Variants in GREB1L observed in about 807,000 individuals in gnomAD.
GREB1L encodes GREB1-like protein.
Under a neutral mutation model 200.8 loss-of-function variants are expected in GREB1L, and 17 were observed. That is an observed-to-expected ratio of 0.08 (90% CI 0.06 to 0.13). The LOEUF (loss-of-function observed/expected upper bound fraction) is 0.13, where lower values mean the gene tolerates loss of function less well. Ranked by LOEUF, GREB1L falls within the 10% of genes least tolerant of loss-of-function variation. The pLI is 1.00. For synonymous variants in GREB1L, 789 were observed against 893.0 expected (o/e 0.88, Z 2.08); for missense variants, 1,657 against 2,367.7 (o/e 0.70, Z 6.23).
At chr18:21,455,518 C>A (rs1339244965) in intron 15 of GREB1L, among the ~76,000 whole-genome samples, 1 of 151,942 alleles carries the variant, frequency 6.6e-6, no homozygotes, top group Admixed American at 6.6e-5. Flanking sequence ...CCCGTCTCTA[C>A]TAAAAATACA....
chr18:21,518,303 CA>C (rs1267014205), intron 31 of GREB1L, 69 bp downstream of exon 31: 53 of 1,404,912 alleles, frequency 3.8e-5, no homozygotes, highest in Non-Finnish European at 2.5e-5. Flanking sequence ...TAGCTGTTTA[CA>C]AAAAAGGAGC....
intron 18 of GREB1L, 27 bp from the exon 19 acceptor site, chr18:21,489,985 G>A: frequency 6.6e-7 from 1 of 1,524,296 alleles, no homozygotes; most frequent in South Asian, 1.2e-5. Flanking sequence ...TGCTGCCTGA[G>A]TGCTAGTGCC....
intron 4 of GREB1L, among the ~76,000 whole-genome samples, chr18:21,388,504 A>G (rs1365715958): frequency 1.3e-5 from 2 of 148,222 alleles, no homozygotes; most frequent in Non-Finnish European, 3.0e-5. Context: ...ATACGGCATC[A>G]GATTTAATTG....
chr18:21,308,211 T>C (rs897462313), intron 1 of GREB1L, among the ~76,000 whole-genome samples: 1 of 152,212 alleles, frequency 6.6e-6, no homozygotes, highest in Non-Finnish European at 1.5e-5. Flanking sequence ...TTCTGGTCTG[T>C]CATGTGAGAT....
At chr18:21,302,197 G>A (rs1373955897) in intron 1 of GREB1L, among the ~76,000 whole-genome samples, 2 of 152,190 alleles carry the variant, frequency 1.3e-5, no homozygotes, top group Non-Finnish European at 2.9e-5. Flanking sequence ...CTTTTTCTGG[G>A]ATGGAGGGTG....
intron 2 of GREB1L, among the ~76,000 whole-genome samples, chr18:21,381,324 C>G (rs575025368): frequency 1.6e-3 from 246 of 151,958 alleles, no homozygotes; most frequent in African/African-American, 5.7e-3. Context: ...AGGAGAATTG[C>G]TTGAACCCAG....
At chr18:21,296,662 T>G (rs1006404224) in intron 1 of GREB1L, among the ~76,000 whole-genome samples, 4 of 151,660 alleles carry the variant, frequency 2.6e-5, no homozygotes, top group African/African-American at 9.7e-5. Context: ...GTTTTTTGTT[T>G]TTTTTTTTTT....
chr18:21,481,500 A>G (rs568578180), intron 17 of GREB1L, among the ~76,000 whole-genome samples: 6 of 133,156 alleles, frequency 4.5e-5, no homozygotes, highest in African/African-American at 1.7e-4. Context: ...TATATATAGC[A>G]TTATTAGAAT....
At chr18:21,424,420 T>C (rs1452977503) in intron 7 of GREB1L, among the ~76,000 whole-genome samples, 7 of 152,028 alleles carry the variant, frequency 4.6e-5, no homozygotes, top group Admixed American at 2.0e-4. Flanking sequence ...ATACAAAAAT[T>C]AGCTGGGCAT....
chr18:21,363,284 C>T, intron 1 of GREB1L, among the ~76,000 whole-genome samples: 1 of 67,806 alleles, frequency 1.5e-5, no homozygotes, highest in African/African-American at 6.0e-5. Context: ...CCGCCTCCCC[C>T]CCGCCCCCCC....
chr18:21,493,864 T>TAAAAA (rs1568056765), intron 19 of GREB1L, among the ~76,000 whole-genome samples: 2 of 382 alleles, frequency 5.2e-3, no homozygotes. Flanking sequence ...AGACCCTGTC[T>TAAAAA]CAAAAAAAAA....
At chr18:21,248,885 C>T (rs2037650920) in intron 1 of GREB1L, among the ~76,000 whole-genome samples, 1 of 152,190 alleles carries the variant, frequency 6.6e-6, no homozygotes, top group African/African-American at 2.4e-5. Context: ...AGAACATTTC[C>T]ATCACTGGAG....
chr18:21,303,086 A>G (rs1274821915), intron 1 of GREB1L, among the ~76,000 whole-genome samples: 1 of 152,018 alleles, frequency 6.6e-6, no homozygotes, highest in Non-Finnish European at 1.5e-5. Flanking sequence ...CGAAATCCTG[A>G]CCTCGGATGA....
intron 1 of GREB1L, among the ~76,000 whole-genome samples, chr18:21,341,604 C>T (rs754548654): frequency 1.2e-4 from 19 of 152,112 alleles, no homozygotes; most frequent in Non-Finnish European, 2.8e-4. Flanking sequence ...AACTCCTGGC[C>T]TCAAGGGATC....
chr18:21,420,536 T>C (rs1460357019), intron 7 of GREB1L, among the ~76,000 whole-genome samples: 2 of 152,144 alleles, frequency 1.3e-5, no homozygotes, highest in Non-Finnish European at 2.9e-5. Context: ...TTAAGCACTG[T>C]GAAAAGATAC....
At chr18:21,371,670 G>GCTACTC (rs1395845028) in intron 2 of GREB1L, among the ~76,000 whole-genome samples, 1 of 151,298 alleles carries the variant, frequency 6.6e-6, no homozygotes, top group Non-Finnish European at 1.5e-5. Context: ...TGTAGTCGCA[G>GCTACTC]CTACTCGGGA....
chr18:21,276,546 T>C (rs1368139770), intron 1 of GREB1L, among the ~76,000 whole-genome samples: 1 of 152,284 alleles, frequency 6.6e-6, no homozygotes, highest in African/African-American at 2.4e-5. Flanking sequence ...TCCACCATCC[T>C]TTCCAGCTCT....
In GREB1L at chr18:21,513,960, C is replaced by T. The variant is rs1247059190; in HGVS notation, c.4875C>T (p.Asn1625=). The change falls in exon 28 of 33, where the codon AAC becomes AAT. Residue 1625 remains asparagine (N), a synonymous_variant. Transcript: ENST00000424526. ...TGGATGACTCATGTGTCCTATGGAA[C>T]ATTCACAGTGTTCAGGAGCCATCCA... The part of the protein sequence containing the change: ...VMMDDSCVLW[N]IHSVQEPSSQ... 3 of 1,551,674 alleles carry T rather than the reference C, an allele frequency of 1.9e-6. No homozygotes were observed. The highest frequency in any genetic ancestry group is 1.2e-5 in the South Asian group (1 of 84,052).
chr18:21,413,706 G>T (rs1423056237), intron 7 of GREB1L, among the ~76,000 whole-genome samples: 3 of 152,182 alleles, frequency 2.0e-5, no homozygotes, highest in Non-Finnish European at 4.4e-5. Context: ...GGATGGGAGA[G>T]AGAAGGAAAA....
Sources: allele counts gnomAD v4.1 joint callset (sites outside exome capture counted in the v4.1 genomes callset), GRCh38; gene constraint gnomAD v4.1.1; transcripts MANE v1.5; gene names NCBI Gene and HGNC (gene_info 2026-07-23, HGNC 2026-07-21).